Variants in CNTNAP2 observed in about 807,000 individuals in gnomAD.
The protein encoded by CNTNAP2 is contactin-associated protein-like 2.
A neutral mutation model predicts 155.2 loss-of-function variants in CNTNAP2; 98 were observed. The observed-to-expected ratio is 0.63, with a 90% CI of 0.54 to 0.75. The LOEUF (loss-of-function observed/expected upper bound fraction) is 0.75, where lower values mean the gene tolerates loss of function less well. Among genes scored for constraint, CNTNAP2 ranks in the 30% least tolerant of loss-of-function variants. The probability of loss-of-function intolerance (pLI) is 0.00; values close to 1 mark genes in which losing one functional copy is unlikely to be tolerated. For missense variants in CNTNAP2, 1,727 were observed against 1,688.1 expected (o/e 1.02, Z -0.40); for synonymous variants, 651 against 631.2 (o/e 1.03, Z -0.47).
chr7:147,922,554 G>T (rs903528965), intron 14 of CNTNAP2, among the ~76,000 whole-genome samples: 1 of 152,212 alleles, frequency 6.6e-6, no homozygotes, highest in Admixed American at 6.5e-5. Flanking sequence ...TGAAAGCTTA[G>T]ATTTTTTTCT....
In CNTNAP2 at chr7:146,587,459, T is replaced by C. The variant is rs116043268; in HGVS notation, c.98-186812T>C. On this transcript the variant is annotated intron_variant, in intron 1 of 23. Transcript: ENST00000361727. Reference sequence around the variant, plus strand: ...TAAAGACTAGGTGTAGGGCTGCAGCTTGGCTCTCAGCTGTGTATGATTCCA... The same window carrying C: ...TAAAGACTAGGTGTAGGGCTGCAGCCTGGCTCTCAGCTGTGTATGATTCCA... 2.8e-3 allele frequency among the ~76,000 whole-genome samples: 421 copies of C among 152,252 alleles called. 4 individuals carry two copies. The highest frequency in any genetic ancestry group is 9.4e-3 in the African/African-American group (392 of 41,552).
chr7:146,322,831 G>A (rs1007968061), intron 1 of CNTNAP2, among the ~76,000 whole-genome samples: 8 of 151,744 alleles, frequency 5.3e-5, no homozygotes, highest in East Asian at 3.9e-4. Context: ...ATGGTTTATC[G>A]CATGATACAT....
At chr7:146,949,789 G>A (rs1158845981) in intron 3 of CNTNAP2, among the ~76,000 whole-genome samples, 1 of 152,090 alleles carries the variant, frequency 6.6e-6, no homozygotes, top group Non-Finnish European at 1.5e-5. Flanking sequence ...CCTGATCCAG[G>A]ACTCTTAACA....
At chr7:147,799,702 A>G (rs1269869269) in intron 13 of CNTNAP2, among the ~76,000 whole-genome samples, 1 of 152,234 alleles carries the variant, frequency 6.6e-6, no homozygotes, top group Non-Finnish European at 1.5e-5. Context: ...TCCTGAGTGA[A>G]GGCCCAGATG....
intron 3 of CNTNAP2, among the ~76,000 whole-genome samples, chr7:147,021,814 A>G (rs1241921882): frequency 1.3e-5 from 2 of 152,150 alleles, no homozygotes; most frequent in Non-Finnish European, 2.9e-5. Context: ...CCCCTTGAAC[A>G]TTTGATAACA....
chr7:146,977,813 A>G (rs1045257477), intron 3 of CNTNAP2, among the ~76,000 whole-genome samples: 4 of 152,188 alleles, frequency 2.6e-5, no homozygotes, highest in Non-Finnish European at 4.4e-5. Flanking sequence ...TGAGTTTTAG[A>G]TCTTCAAAAG....
chr7:146,445,735 A>C (rs1796393479), intron 1 of CNTNAP2, among the ~76,000 whole-genome samples: 7 of 152,202 alleles, frequency 4.6e-5, no homozygotes, highest in Admixed American at 4.6e-4. Context: ...GTAGTAGAGC[A>C]AGATGAATGA....
intron 10 of CNTNAP2, among the ~76,000 whole-genome samples, chr7:147,433,673 AG>A (rs1450023935): frequency 6.6e-6 from 1 of 152,212 alleles, no homozygotes; most frequent in Non-Finnish European, 1.5e-5. Context: ...GTTGTGAACA[AG>A]GTTTCTCCTC....
At chr7:147,818,520 A>G (rs568792770) in intron 13 of CNTNAP2, among the ~76,000 whole-genome samples, 1 of 152,282 alleles carries the variant, frequency 6.6e-6, no homozygotes, top group African/African-American at 2.4e-5. Flanking sequence ...CACGATTGCT[A>G]GATCTCCCAT....
intron 21 of CNTNAP2, among the ~76,000 whole-genome samples, chr7:148,368,731 A>G (rs894495453): frequency 3.9e-5 from 6 of 152,166 alleles, no homozygotes; most frequent in Non-Finnish European, 8.8e-5. Context: ...TCACAACTCT[A>G]AGGGGGTTCC....
Position 147,328,522 on chromosome 7 carries a change from C to T in CNTNAP2, c.1498+28232C>T, listed in dbSNP as rs150283233. Among the ~76,000 whole-genome samples, 397 of 152,114 alleles carry T rather than the reference C, an allele frequency of 2.6e-3. 4 individuals carry two copies. Among genetic ancestry groups the T allele is most frequent in the African/African-American group, 8.9e-3 (370 of 41,494 alleles). On this transcript the variant is annotated intron_variant, in intron 9 of 23. Transcript: ENST00000361727. ...CGACTGAATCGACTATTTAGAGGGC[C>T]GAGGCCAGAAACTACAGGCAAGAAT... is the stretch of plus-strand genomic sequence containing the variant.
At chr7:147,070,208 A>G (rs1451680643) in intron 4 of CNTNAP2, among the ~76,000 whole-genome samples, 2 of 152,214 alleles carry the variant, frequency 1.3e-5, no homozygotes, top group Admixed American at 1.3e-4. Context: ...GTGCCTATCT[A>G]CAATCTCAGA....
chr7:146,200,153 CAAT>C (rs1206135169), intron 1 of CNTNAP2, among the ~76,000 whole-genome samples: 2 of 152,164 alleles, frequency 1.3e-5, no homozygotes, highest in African/African-American at 4.8e-5. Context: ...TGCTTCACAA[CAAT>C]GTTTCAGTGA....
In CNTNAP2 at chr7:146,208,383, A is replaced by C. The variant is rs570927837; in HGVS notation, c.97+91410A>C. On this transcript the variant is annotated intron_variant, in intron 1 of 23. Transcript: ENST00000361727. ...TATTTCACTCTCTTCTGTCAAGAAA[A>C]ATTTCTTTTAAAAGACTAATTATTT... Among the ~76,000 whole-genome samples the C allele has an allele frequency of 1.1e-4, 16 of 152,272 alleles. No individual in the cohort carries two copies. In the South Asian group the frequency reaches 3.1e-3, roughly 30 times the overall value.
intron 15 of CNTNAP2, among the ~76,000 whole-genome samples, chr7:148,044,985 C>A (rs1189218026): frequency 1.3e-5 from 2 of 152,166 alleles, no homozygotes; most frequent in African/African-American, 4.8e-5. Flanking sequence ...AGCCACCACG[C>A]CCAGCCACCC....
At chr7:147,748,288 A>C (rs1437038376) in intron 13 of CNTNAP2, among the ~76,000 whole-genome samples, 1 of 152,190 alleles carries the variant, frequency 6.6e-6, no homozygotes, top group Non-Finnish European at 1.5e-5. Context: ...AGTCACTCCA[A>C]GGTCAATGGA....
chr7:147,252,557 T>TA (rs1312558886), intron 8 of CNTNAP2, among the ~76,000 whole-genome samples: 1 of 152,210 alleles, frequency 6.6e-6, no homozygotes, highest in African/African-American at 2.4e-5. Context: ...TTTCATACCA[T>TA]AATGAAATAA....
At position 147,894,416 on chromosome 7, in the gene CNTNAP2, G is replaced by T. The variant is rs550882370; in HGVS notation, c.2099-9149G>T. On this transcript the variant is annotated intron_variant, in intron 13 of 23. Transcript: ENST00000361727. ...TGCAAGGGCCTTCAAATAACCAAATGTTACCAGAGAGCAGAGCCTGGGAAG... is the reference window on the plus strand; with the variant it reads ...TGCAAGGGCCTTCAAATAACCAAATTTTACCAGAGAGCAGAGCCTGGGAAG... Among the ~76,000 whole-genome samples the T allele has an allele frequency of 2.0e-5, 3 of 152,204 alleles. No homozygotes were observed. The South Asian group carries it at 6.2e-4, about 32-fold the overall frequency.
intron 10 of CNTNAP2, among the ~76,000 whole-genome samples, chr7:147,477,727 G>A (rs560480664): frequency 6.6e-6 from 1 of 152,268 alleles, no homozygotes; most frequent in African/African-American, 2.4e-5. Flanking sequence ...TCTGGATAAA[G>A]TTCAAAAATC....
Sources: allele counts gnomAD v4.1 joint callset (sites outside exome capture counted in the v4.1 genomes callset), GRCh38; gene constraint gnomAD v4.1.1; transcripts MANE v1.5; gene names NCBI Gene and HGNC (gene_info 2026-07-23, HGNC 2026-07-21).